Variants in IL10 observed in about 807,000 individuals in gnomAD.
IL10 encodes the protein interleukin 10.
A neutral mutation model predicts 21.0 loss-of-function variants in IL10; 7 were observed. The observed-to-expected ratio is 0.33, with a 90% CI of 0.19 to 0.63. The LOEUF is 0.63. Ranked by LOEUF, IL10 falls within the 20% of genes least tolerant of loss-of-function variation. IL10 has a pLI of 0.77. For missense variants in IL10, 161 were observed against 213.0 expected (o/e 0.76, Z 1.52); for synonymous variants, 83 against 79.7 (o/e 1.04, Z -0.22).
At position 206,770,910 on chromosome 1, in the gene IL10, G is replaced by A. The variant is rs755403362; in HGVS notation, c.375C>T (p.Arg125=). The A allele has an allele frequency of 1.2e-6, 2 of 1,614,030 alleles. No homozygotes were observed. The highest frequency in any genetic ancestry group is 4.5e-5 in the East Asian group (2 of 44,884). Residue 125 remains arginine, a synonymous_variant, in exon 3 of 5, where the codon CGC becomes CGT. Coordinates refer to ENST00000423557, the MANE Select transcript of IL10 (RefSeq NM_000572.3). ...NLKTLRLRLR[R]CHRFLPCENK... ...AAAAAACTGATCTGCTACTTACACA[G>A]CGCCGTAGCCTCAGCCTGAGGGTCT...
At chr1:206,768,751 T>C in intron 4 of IL10, 23 bp from the exon 5 acceptor site, 2 of 1,482,756 alleles carry the variant, frequency 1.3e-6, no homozygotes, top group East Asian at 2.3e-5. Context: ...ATAAGAAACA[T>C]ACAGTTAAAA....
chr1:206,770,767 T>A (rs3024492), intron 3 of IL10, 140 bp downstream of exon 3: 177,885 of 863,130 alleles, frequency 0.21, 21,900 homozygotes, highest in Non-Finnish European at 0.26. Flanking sequence ...GAGATCTGAC[T>A]CCAGGAGTCT....
intron 1 of IL10, among the ~76,000 whole-genome samples, chr1:206,771,897 G>A (rs574602524): frequency 4.6e-5 from 7 of 152,328 alleles, no homozygotes; most frequent in Non-Finnish European, 8.8e-5. Context: ...GTCTGGAAAC[G>A]CTCTAAGCAG....
intron 4 of IL10, 94 bp from the exon 5 acceptor site, chr1:206,768,822 G>T: frequency 1.3e-6 from 1 of 777,658 alleles, no homozygotes; most frequent in South Asian, 1.4e-5. Context: ...ATGACCTTGA[G>T]TGCAGAGGTT....
At position 206,771,516 on chromosome 1, in the gene IL10, A is replaced by C. The variant is rs1518110; in HGVS notation, c.166-101T>G. ...CATTTAGAGATTTTTTTTTTTAAAT[A>C]AAATTGGCTCTGGCCCAAAAAAATC... On this transcript the variant is annotated intron_variant, in intron 1 of 4. Transcript: ENST00000423557. The C allele has an allele frequency of 0.74, 715,457 of 971,306 alleles. 270,706 individuals carry two copies. The highest frequency in any genetic ancestry group is 0.79 in the Non-Finnish European group (491,330 of 621,858). 60.2% of individuals were successfully genotyped at this position (971,306 alleles called of 1,614,324 possible).
chr1:206,770,355 C>A, intron 3 of IL10: 1 of 300,154 alleles, frequency 3.3e-6, no homozygotes. Context: ...ACAGGGGAAA[C>A]CATTAGTAGT....
intron 4 of IL10, 68 bp from the exon 5 acceptor site, chr1:206,768,796 A>G: frequency 1.1e-6 from 1 of 896,174 alleles, no homozygotes; most frequent in Non-Finnish European, 1.9e-6. Flanking sequence ...CCCCTCCCTC[A>G]TGCTCATGGA....
Position 206,768,531 on chromosome 1 carries a change from A to G in IL10, c.*105T>C. The G allele has an allele frequency of 1.4e-6, 1 of 716,818 alleles. No homozygotes were observed. The highest frequency in any genetic ancestry group is 2.0e-5 in the Admixed American group (1 of 50,092). 44.4% of individuals were successfully genotyped at this position (716,818 alleles called of 1,614,324 possible). ...ATAAATATTCTATAAGAGAGGTACA[A>G]TAAGGTTTCTCAAGGGGCTGGGTCA... On this transcript the variant is annotated 3_prime_UTR_variant, in exon 5 of 5. Transcript: ENST00000423557.
chr1:206,770,202 T>C (rs1674783572), intron 3 of IL10, among the ~76,000 whole-genome samples: 1 of 152,146 alleles, frequency 6.6e-6, no homozygotes, highest in African/African-American at 2.4e-5. Context: ...CTTTTCTGCC[T>C]CTCTCTCCTG....
In IL10 at chr1:206,768,737, A is replaced by T; in HGVS notation, c.445-9T>A. On this transcript the variant is annotated splice_polypyrimidine_tract_variant and intron_variant, in intron 4 of 4. Transcript: ENST00000423557. ...ATGCCTTTCTCTTGGAGCTGTGCAG[A>T]GAGATAAGAAACATACAGTTAAAAT... The T allele has an allele frequency of 6.4e-7, 1 of 1,563,170 alleles. No homozygotes were observed. The highest frequency in any genetic ancestry group is 8.8e-7 in the Non-Finnish European group (1 of 1,133,770).
intron 2 of IL10, 86 bp from the exon 3 acceptor site, chr1:206,771,145 T>A: frequency 6.9e-7 from 1 of 1,454,428 alleles, no homozygotes; most frequent in Non-Finnish European, 9.6e-7. Flanking sequence ...GAGGACAGCT[T>A]GGTTCTAGCG....
At position 206,772,422 on chromosome 1, in the gene IL10, G is replaced by C; in HGVS notation, c.14C>G (p.Ala5Gly). 1 of 1,614,098 alleles carries C rather than the reference G, an allele frequency of 6.2e-7. No homozygotes were observed. The highest frequency in any genetic ancestry group is 2.2e-5 in the East Asian group (1 of 44,892). Residue 5 changes from alanine to glycine, a missense_variant, in exon 1 of 5, where the codon GCA becomes GGA. Coordinates refer to ENST00000423557, the MANE Select transcript of IL10 (RefSeq NM_000572.3). MHSS[A>G]LLCCLVLLTG... is the part of the protein sequence containing the mutation. ...CAGGAGGACCAGGCAACAGAGCAGT[G>C]CTGAGCTGTGCATGCCTTCTTTTGC...
rs767727378 is a variant in IL10, at chr1:206,770,949, C to G, written c.336G>C (p.Leu112=). The change falls in exon 3 of 5, where the codon CTG becomes CTC. Residue 112 remains leucine (L), a synonymous_variant. Transcript: ENST00000423557. Reference sequence around the variant, plus strand: ...GCCTGAGGGTCTTCAGGTTCTCCCCCAGGGAGTTCACATGCGCCTTGATGT... The same window carrying G: ...GCCTGAGGGTCTTCAGGTTCTCCCCGAGGGAGTTCACATGCGCCTTGATGT... ...DPDIKAHVNS[L]GENLKTLRLR... is the part of the protein sequence containing the mutation. 9.9e-6 allele frequency: 16 copies of G among 1,614,060 alleles called. No homozygotes were observed. The highest frequency in any genetic ancestry group is 1.4e-5 in the Non-Finnish European group (16 of 1,180,024).
At position 206,771,032 on chromosome 1, in the gene IL10, CA is replaced by C; in HGVS notation, c.252del (p.Glu85ArgfsTer2). The stretch of plus-strand genomic sequence containing the variant: ...TCCTCCAGGTAAAACTGGATCATCT[CA>C]GACAAGGCTTGGCAACCCAGGTAAC... ...FKGYLGCQAL[S>X]EMIQFYLEEV... On this transcript the variant is annotated frameshift_variant, in exon 3 of 5. Coordinates refer to ENST00000423557, the MANE Select transcript of IL10 (RefSeq NM_000572.3). LOFTEE classifies it high-confidence loss of function. 6.2e-7 allele frequency: 1 copy of C among 1,614,172 alleles called. No individual in the cohort carries two copies. The highest frequency in any genetic ancestry group is 8.5e-7 in the Non-Finnish European group (1 of 1,180,016).
rs1674878551 is a variant in IL10, at chr1:206,772,397, C to T, written c.39G>A (p.Leu13=). The T allele has an allele frequency of 6.2e-7, 1 of 1,614,002 alleles. No individual in the cohort carries two copies. The highest frequency in any genetic ancestry group is 8.5e-7 in the Non-Finnish European group (1 of 1,179,966). The part of the protein sequence containing the change: ...SSALLCCLVL[L]TGVRASPGQG... ...GGCCTGGGCTGGCCCTCACCCCAGT[C>T]AGGAGGACCAGGCAACAGAGCAGTG... The change falls in exon 1 of 5, where the codon CTG becomes CTA. Residue 13 remains leucine, a synonymous_variant. Coordinates refer to ENST00000423557, the MANE Select transcript of IL10 (RefSeq NM_000572.3).
rs377175850 is a variant in IL10, at chr1:206,771,277, T to C, written c.225+79A>G. ...TTCAAAGCGAAGGAAACAAACCCAA[T>C]TCCCTGCAATCAGGAAGCAGAGTCT... On this transcript the variant is annotated intron_variant, in intron 2 of 4. Coordinates refer to ENST00000423557, the MANE Select transcript of IL10 (RefSeq NM_000572.3). 9.1e-5 allele frequency: 122 copies of C among 1,347,192 alleles called. 6 individuals are homozygous for C. Among genetic ancestry groups the C allele is most frequent in the East Asian group, 5.7e-4 (25 of 43,624 alleles). The allele number at this position is 1,347,192 out of a possible 1,614,324, so 83.5% of individuals were successfully genotyped here. A position where few individuals can be genotyped will look rare whatever the true frequency, so the allele number is the denominator to read the frequency against.
rs566298748 is a variant in IL10 at position 206,768,614 on chromosome 1, A to G, written c.*22T>C. On this transcript the variant is annotated 3_prime_UTR_variant, in exon 5 of 5. Coordinates refer to ENST00000423557, the MANE Select transcript of IL10 (RefSeq NM_000572.3). ...ACCTCTAATTTATGTCCTAGAGTCT[A>G]TAGAGTCGCCACCCTGATGTCTCAG... 41 of 1,396,244 alleles carry G rather than the reference A, an allele frequency of 2.9e-5. No individual in the cohort carries two copies. The highest frequency in any genetic ancestry group is 4.1e-5 in the Non-Finnish European group (40 of 981,718). 86.5% of individuals were successfully genotyped at this position (1,396,244 alleles called of 1,614,324 possible). A position where few individuals can be genotyped will look rare whatever the true frequency, so the allele number is the denominator to read the frequency against.
In IL10 at chr1:206,768,120, G is replaced by GTATCATTAA; in HGVS notation, c.*515_*516insTTAATGATA. 1 of 216,982 alleles carries GTATCATTAA rather than the reference G, an allele frequency of 4.6e-6. No individual in the cohort carries two copies. The highest frequency in any genetic ancestry group is 5.6e-5 in the Admixed American group (1 of 17,928). The allele number at this position is 216,982 out of a possible 1,614,324, so 13.4% of individuals were successfully genotyped here. A position where few individuals can be genotyped will look rare whatever the true frequency, so the allele number is the denominator to read the frequency against. ...GGAATGAGGTTAGGGGAATCCCTCC[G>GTATCATTAA]AGACACTGGAAGGTGAATTAATCAT... On this transcript the variant is annotated 3_prime_UTR_variant, in exon 5 of 5. Coordinates refer to ENST00000423557, the MANE Select transcript of IL10 (RefSeq NM_000572.3).
intron 2 of IL10, 38 bp downstream of exon 2, chr1:206,771,318 T>C (rs780746069): frequency 2.0e-5 from 31 of 1,575,426 alleles, no homozygotes; most frequent in Non-Finnish European, 2.7e-5. Flanking sequence ...CCCTTAATCA[T>C]GCTGCACACT....
Sources: allele counts gnomAD v4.1 joint callset (sites outside exome capture counted in the v4.1 genomes callset), GRCh38; gene constraint gnomAD v4.1.1; transcripts MANE v1.5; gene names NCBI Gene and HGNC (gene_info 2026-07-23, HGNC 2026-07-21).